PATJ: variants seen among roughly 807,000 people sequenced by gnomAD.
The protein encoded by PATJ is PATJ crumbs cell polarity complex component.
A neutral mutation model predicts 224.9 loss-of-function variants in PATJ; 190 were observed. That is an observed-to-expected ratio of 0.84 (90% CI 0.75 to 0.95). The LOEUF is 0.95. Ranked by LOEUF, PATJ falls within the 40% of genes least tolerant of loss-of-function variation. The probability of loss-of-function intolerance (pLI) is 0.00; values close to 1 mark genes in which losing one functional copy is unlikely to be tolerated. For missense variants in PATJ, 2,121 were observed against 2,270.3 expected (o/e 0.93, Z 1.34); for synonymous variants, 769 against 820.3 (o/e 0.94, Z 1.07).
intron 31 of PATJ, among the ~76,000 whole-genome samples, chr1:62,051,363 G>A (rs56924235): frequency 0.065 from 9,812 of 152,114 alleles, 1,001 homozygotes; most frequent in African/African-American, 0.22. Flanking sequence ...AGGCTGGAGC[G>A]CAGTGGCTGG....
intron 27 of PATJ, among the ~76,000 whole-genome samples, chr1:61,940,508 A>T (rs1176768009): frequency 6.6e-6 from 1 of 152,124 alleles, no homozygotes; most frequent in Non-Finnish European, 1.5e-5. Context: ...CGAGGTCAAG[A>T]GATTGAGACC....
rs1468243850 is a variant in PATJ at position 61,775,189 on chromosome 1, T to G, written c.721-17T>G. On this transcript the variant is annotated splice_polypyrimidine_tract_variant and intron_variant, in intron 6 of 43. Coordinates refer to ENST00000642238, the MANE Select transcript of PATJ (RefSeq NM_001350145.3). ...GTATTACTGATACTGCGACTCTTAT[T>G]TGCCATTAATTTGTAGGTTTGTTGG... is the stretch of plus-strand genomic sequence containing the variant. 2 of 1,602,984 alleles carry G rather than the reference T, an allele frequency of 1.2e-6. No individual in the cohort carries two copies. Among genetic ancestry groups the G allele is most frequent in the African/African-American group, 1.3e-5 (1 of 74,340 alleles).
intron 31 of PATJ, among the ~76,000 whole-genome samples, chr1:62,067,123 C>CTTTTTTTTTTTTTTTT: frequency 8.6e-6 from 1 of 116,474 alleles, no homozygotes; most frequent in Non-Finnish European, 1.8e-5. Flanking sequence ...CCTATTCTTT[C>CTTTTTTTTTTTTTTTT]TTTTTTTTTT....
At chr1:62,142,124 T>TAA (rs111470701) in intron 41 of PATJ, among the ~76,000 whole-genome samples, 18 of 151,266 alleles carry the variant, frequency 1.2e-4, no homozygotes, top group African/African-American at 3.9e-4. Flanking sequence ...GACGATACCT[T>TAA]AAAAAAAAAC....
intron 27 of PATJ, among the ~76,000 whole-genome samples, chr1:61,951,886 T>C (rs903019650): frequency 5.3e-5 from 8 of 152,190 alleles, no homozygotes; most frequent in African/African-American, 1.9e-4. Context: ...TGTTTCCTTT[T>C]AATTTGCATT....
At chr1:61,760,612 TC>T in intron 1 of PATJ, among the ~76,000 whole-genome samples, 1 of 142,176 alleles carries the variant, frequency 7.0e-6, no homozygotes, top group South Asian at 2.1e-4. Flanking sequence ...CTTTTCTTTT[TC>T]TTTTTCTTTT....
Position 61,787,755 on chromosome 1 carries a change from A to T in PATJ, c.851A>T (p.Asp284Val), listed in dbSNP as rs1226099882. 6.2e-7 allele frequency: 1 copy of T among 1,611,374 alleles called. No individual in the cohort carries two copies. The highest frequency in any genetic ancestry group is 1.3e-5 in the African/African-American group (1 of 74,888). Residue 284 changes from aspartate (D) to valine (V), a missense_variant and splice_region_variant, in exon 8 of 44, where the codon GAT (aspartate) becomes GTT (valine). Asp to Val is a radical substitution (Grantham distance 152). Coordinates refer to ENST00000642238, the MANE Select transcript of PATJ (RefSeq NM_001350145.3). ...TIVPGGLADRDGRLQTGDHIL... is the reference protein window; with the variant it reads ...TIVPGGLADRVGRLQTGDHIL... ...AATAATTTTGTCTTTTTCTTGAAGG[A>T]TGGAAGACTCCAGACAGGGGACCAC...
intron 27 of PATJ, among the ~76,000 whole-genome samples, chr1:61,957,012 A>T (rs1474437794): frequency 6.6e-6 from 1 of 152,188 alleles, no homozygotes; most frequent in African/African-American, 2.4e-5. Flanking sequence ...TTGCATTTAA[A>T]TAGTCATTTC....
rs192309860 is a variant in PATJ, at chr1:61,759,598, A to G, written c.-35-3260A>G. On this transcript the variant is annotated intron_variant, in intron 1 of 43. Transcript: ENST00000642238. ...CAAATTTTTGTGTTTTTAGTACACA[A>G]GGTTTCACCATGTTGTTCAGGCTGG... is the stretch of plus-strand genomic sequence containing the variant. Among the ~76,000 whole-genome samples the G allele has an allele frequency of 2.0e-3, 311 of 152,184 alleles. 3 individuals are homozygous for G. The highest frequency in any genetic ancestry group is 6.5e-3 in the African/African-American group (271 of 41,538).
At chr1:61,785,992 C>T (rs1002635607) in intron 7 of PATJ, among the ~76,000 whole-genome samples, 18 of 152,038 alleles carry the variant, frequency 1.2e-4, no homozygotes, top group Non-Finnish European at 2.1e-4. Flanking sequence ...TCTTTTCTTT[C>T]AACTCATCTG....
chr1:61,835,030 A>C (rs1488092485), intron 17 of PATJ, among the ~76,000 whole-genome samples: 1 of 152,202 alleles, frequency 6.6e-6, no homozygotes, highest in African/African-American at 2.4e-5. Context: ...TGCTCAGTCT[A>C]AATTCTGTAT....
intron 21 of PATJ, among the ~76,000 whole-genome samples, chr1:61,876,192 G>A (rs12411157): frequency 0.27 from 40,650 of 152,020 alleles, 6,312 homozygotes; most frequent in East Asian, 0.71. Flanking sequence ...ATACTTAAGG[G>A]TAAAAATTGA....
chr1:61,934,437 C>T (rs1676527562), intron 27 of PATJ, among the ~76,000 whole-genome samples: 1 of 152,030 alleles, frequency 6.6e-6, no homozygotes, highest in African/African-American at 2.4e-5. Flanking sequence ...TTTATCACCA[C>T]AGTTTTAGTA....
chr1:61,929,940 A>T (rs1168414451), intron 27 of PATJ, among the ~76,000 whole-genome samples: 1 of 152,184 alleles, frequency 6.6e-6, no homozygotes, highest in Non-Finnish European at 1.5e-5. Flanking sequence ...CAGACTCAGC[A>T]GTGTCCTCCC....
intron 34 of PATJ, among the ~76,000 whole-genome samples, 180 bp downstream of exon 34, chr1:62,108,700 GTTATCAAT>G (rs1663425985): frequency 6.6e-6 from 1 of 151,998 alleles, no homozygotes. Context: ...ATCATGACAG[GTTATCAAT>G]CTACATTTGT....
chr1:61,990,415 G>A, intron 28 of PATJ, 51 bp downstream of exon 28: 4 of 1,323,950 alleles, frequency 3.0e-6, no homozygotes, highest in Non-Finnish European at 4.2e-6. Flanking sequence ...GATGGGTGCA[G>A]TGGATGTTGT....
At chr1:61,975,133 G>T (rs542264877) in intron 27 of PATJ, among the ~76,000 whole-genome samples, 1 of 151,970 alleles carries the variant, frequency 6.6e-6, no homozygotes, top group South Asian at 2.1e-4. Context: ...TTTTTGTAAA[G>T]ATGGGGGTCT....
chr1:62,024,372 A>G (rs1294203311), intron 29 of PATJ, among the ~76,000 whole-genome samples: 2 of 152,068 alleles, frequency 1.3e-5, no homozygotes, highest in Admixed American at 1.3e-4. Flanking sequence ...TTACCAATTC[A>G]ATTTCAGAAG....
chr1:61,976,624 T>A (rs554100506), intron 27 of PATJ, among the ~76,000 whole-genome samples: 1 of 152,066 alleles, frequency 6.6e-6, no homozygotes, highest in South Asian at 2.1e-4. Context: ...GCCAGGCTGG[T>A]CTCGAGCTTC....
Sources: allele counts gnomAD v4.1 joint callset (sites outside exome capture counted in the v4.1 genomes callset), GRCh38; gene constraint gnomAD v4.1.1; transcripts MANE v1.5; gene names NCBI Gene and HGNC (gene_info 2026-07-23, HGNC 2026-07-21).